FGFR1: variants seen among roughly 807,000 people sequenced by gnomAD.
FGFR1 encodes FGFR1/PLAG1 fusion.
In FGFR1, 18 loss-of-function variants were observed where a neutral mutation model predicts 93.7. That is an observed-to-expected ratio of 0.19 (90% CI 0.13 to 0.28). FGFR1 has a LOEUF of 0.28. Ranked by LOEUF, FGFR1 falls within the 10% of genes least tolerant of loss-of-function variation. The pLI is 1.00. For missense variants in FGFR1, 731 were observed against 1,080.4 expected (o/e 0.68, Z 4.53); for synonymous variants, 448 against 429.3 (o/e 1.04, Z -0.54).
chr8:38,442,698 C>A (rs187705965), intron 2 of FGFR1, among the ~76,000 whole-genome samples: 19 of 152,296 alleles, frequency 1.2e-4, no homozygotes, highest in African/African-American at 4.6e-4. Flanking sequence ...CTCCCCTCCC[C>A]CAAACTCAGC....
chr8:38,426,748 G>T lies in FGFR1; in HGVS notation c.622-503C>A, dbSNP rs577797590. Among the ~76,000 whole-genome samples the T allele has an allele frequency of 5.8e-4, 89 of 152,302 alleles. No homozygotes were observed. Among genetic ancestry groups the T allele is most frequent in the Non-Finnish European group, 1.2e-3 (84 of 68,028 alleles). On this transcript the variant is annotated intron_variant, in intron 5 of 17. Coordinates refer to ENST00000447712, the MANE Select transcript of FGFR1 (RefSeq NM_023110.3). This position sits in a 1 kb window ranked among gnomAD's most constrained non-coding sequence, Gnocchi z 4.1. ...TCCTATCAGACTGCAAAATTTTTAT[G>T]GGCAGGAACGCTATCTTGCAGCATT...
Position 38,412,026 on chromosome 8 carries a change from G to A in FGFR1, c.*1602C>T. ...AAACCATGCCCACATAGAGGGGGCAGACACATGTCTGGGTTTCAGTTTCTG... is the reference window on the plus strand; with the variant it reads ...AAACCATGCCCACATAGAGGGGGCAAACACATGTCTGGGTTTCAGTTTCTG... On this transcript the variant is annotated 3_prime_UTR_variant, in exon 18 of 18. Coordinates refer to ENST00000447712, the MANE Select transcript of FGFR1 (RefSeq NM_023110.3). The A allele has an allele frequency of 4.4e-6, 1 of 227,848 alleles. No homozygotes were observed. The highest frequency in any genetic ancestry group is 8.7e-6 in the Non-Finnish European group (1 of 114,666). 14.1% of individuals were successfully genotyped at this position (227,848 alleles called of 1,614,324 possible).
chr8:38,413,212 G>A lies in FGFR1; in HGVS notation c.*416C>T. 1 of 293,320 alleles carries A rather than the reference G, an allele frequency of 3.4e-6. No homozygotes were observed. Among genetic ancestry groups the A allele is most frequent in the Non-Finnish European group, 6.5e-6 (1 of 155,002 alleles). 18.2% of individuals were successfully genotyped at this position (293,320 alleles called of 1,614,324 possible). ...ACCTCCCTACTGCTGTAGCCCTGAGGACAAGGCACCTGCCACCAGAGTGCG... is the reference window on the plus strand; with the variant it reads ...ACCTCCCTACTGCTGTAGCCCTGAGAACAAGGCACCTGCCACCAGAGTGCG... On this transcript the variant is annotated 3_prime_UTR_variant, in exon 18 of 18. Coordinates refer to ENST00000447712, the MANE Select transcript of FGFR1 (RefSeq NM_023110.3). This position sits in a 1 kb window ranked among gnomAD's most constrained non-coding sequence, Gnocchi z 4.2.
intron 12 of FGFR1, among the ~76,000 whole-genome samples, chr8:38,417,102 C>T (rs530131570): frequency 1.3e-5 from 2 of 152,336 alleles, no homozygotes; most frequent in South Asian, 2.1e-4. Flanking sequence ...TAACACACCA[C>T]GTGTGTGAAT....
In FGFR1 at chr8:38,468,408, T is replaced by C. The variant is rs903649101; in HGVS notation, c.-516A>G. 8.8e-6 allele frequency: 2 copies of C among 228,112 alleles called. No homozygotes were observed. Among genetic ancestry groups the C allele is most frequent in the African/African-American group, 4.4e-5 (2 of 44,972 alleles). The allele number at this position is 228,112 out of a possible 1,614,324, so 14.1% of individuals were successfully genotyped here. On this transcript the variant is annotated 5_prime_UTR_variant, in exon 1 of 18. Transcript: ENST00000447712. ...CGAGCTCGGACCGGAGAAAAGTCCT[T>C]GGGTTCCGCGGCTTTTCAAGCAGCG...
At position 38,414,145 on chromosome 8, in the gene FGFR1, G is replaced by A. The variant is rs1278311369; in HGVS notation, c.2186+7C>T. 1.9e-6 allele frequency: 3 copies of A among 1,614,152 alleles called. No individual in the cohort carries two copies. In the South Asian group the frequency reaches 3.3e-5, roughly 18 times the overall value. ...GCTCAGGGCCTCCGACATCTCCTCG[G>A]GCTTACAGCTCGTTGGTGCAGTTAC... On this transcript the variant is annotated splice_region_variant and intron_variant, in intron 16 of 17. Transcript: ENST00000447712.
At chr8:38,436,282 G>T (rs543963182) in intron 2 of FGFR1, among the ~76,000 whole-genome samples, 2 of 152,254 alleles carry the variant, frequency 1.3e-5, no homozygotes, top group African/African-American at 4.8e-5. Flanking sequence ...AGGCAGAGGA[G>T]GGAGGATCCC....
chr8:38,453,359 C>T (rs1831719257), intron 2 of FGFR1, among the ~76,000 whole-genome samples: 1 of 152,230 alleles, frequency 6.6e-6, no homozygotes. Flanking sequence ...GGCCTACGGA[C>T]CAGGCAATGT....
chr8:38,461,625 T>G (rs1421031022), intron 1 of FGFR1, among the ~76,000 whole-genome samples: 1 of 152,188 alleles, frequency 6.6e-6, no homozygotes, highest in Non-Finnish European at 1.5e-5. Flanking sequence ...TTTTTATTCT[T>G]GTCCGCTGGA....
intron 7 of FGFR1, chr8:38,423,998 T>C (rs1819781668): frequency 4.5e-6 from 1 of 221,300 alleles, no homozygotes; most frequent in African/African-American, 2.3e-5. Context: ...TGTCTGGGAG[T>C]GAGAGGAAAA....
chr8:38,432,270 A>G (rs1253304040), intron 2 of FGFR1, among the ~76,000 whole-genome samples: 2 of 152,128 alleles, frequency 1.3e-5, no homozygotes, highest in Admixed American at 6.6e-5. Context: ...CGTGCAAACA[A>G]AACTCCACTA....
chr8:38,462,280 C>G (rs1255301051), intron 1 of FGFR1, among the ~76,000 whole-genome samples: 1 of 151,952 alleles, frequency 6.6e-6, no homozygotes, highest in Non-Finnish European at 1.5e-5. Context: ...CTGAGGTGGG[C>G]AAATCACGAG....
At chr8:38,422,071 C>T (rs899685363) in intron 7 of FGFR1, 130 bp from the exon 8 acceptor site, 1 of 1,154,606 alleles carries the variant, frequency 8.7e-7, no homozygotes, top group Non-Finnish European at 1.3e-6. Flanking sequence ...TTCTTTGCAA[C>T]AAGGAACAAA....
intron 1 of FGFR1, among the ~76,000 whole-genome samples, chr8:38,461,599 A>G (rs1031820268): frequency 3.9e-5 from 6 of 152,170 alleles, no homozygotes; most frequent in Non-Finnish European, 5.9e-5. Context: ...ATGAGCCACC[A>G]CACCCAGCCT....
intron 2 of FGFR1, among the ~76,000 whole-genome samples, chr8:38,447,103 AC>A (rs1829558755): frequency 1.7e-4 from 2 of 11,902 alleles, no homozygotes; most frequent in African/African-American, 8.7e-4. Context: ...AAGCAAACAC[AC>A]ACACACACAC....
chr8:38,441,527 TTAC>T (rs1170163737), intron 2 of FGFR1, among the ~76,000 whole-genome samples: 2 of 152,208 alleles, frequency 1.3e-5, no homozygotes, highest in Non-Finnish European at 2.9e-5. Flanking sequence ...CAGAAAACTC[TTAC>T]TACACTCTTT....
chr8:38,467,320 A>T, intron 1 of FGFR1, among the ~76,000 whole-genome samples: 1 of 149,468 alleles, frequency 6.7e-6, no homozygotes, highest in South Asian at 2.3e-4. Context: ...AGATTCAGCC[A>T]TTTGGTGACG....
In FGFR1 at chr8:38,415,885, A is replaced by G; in HGVS notation, c.1839T>C (p.Tyr613=). Residue 613 remains tyrosine, a synonymous_variant, in exon 13 of 18, where the codon TAT becomes TAC. Transcript: ENST00000447712. Reference sequence around the variant, plus strand: ...GGTTCCACACCTTCTTGGAGGCCAGATACTCCATGCCTCGGGCCACCTGGT... The same window carrying G: ...GGTTCCACACCTTCTTGGAGGCCAGGTACTCCATGCCTCGGGCCACCTGGT... ...CAYQVARGME[Y]LASKKCIHRD... is the part of the protein sequence containing the mutation. 2 of 1,613,738 alleles carry G rather than the reference A, an allele frequency of 1.2e-6. No homozygotes were observed. Among genetic ancestry groups the G allele is most frequent in the Non-Finnish European group, 1.7e-6 (2 of 1,180,000 alleles).
In FGFR1 at chr8:38,429,948, G is replaced by A. The variant is rs2150967605; in HGVS notation, c.92C>T (p.Ala31Val). 6.2e-7 allele frequency: 1 copy of A among 1,603,530 alleles called. No homozygotes were observed. Among genetic ancestry groups the A allele is most frequent in the South Asian group, 1.1e-5 (1 of 90,232 alleles). ...TTCCACAGGGGCTCCCCAGGGCTGG[G>A]CTGCAGCCACCACGGGGCCGGGAAG... Reference protein sequence around the residue: ...ARPSPTLPEQAQPWGAPVEVE... With the variant: ...ARPSPTLPEQVQPWGAPVEVE... Residue 31 changes from alanine to valine, a missense_variant and splice_region_variant, in exon 3 of 18, where the codon GCC (alanine) becomes GTC (valine). Ala to Val is a moderately conservative substitution (Grantham distance 64). Transcript: ENST00000447712. The surrounding 1 kb of genome is among the most constrained non-coding windows in gnomAD (Gnocchi z 4.4).
Sources: gnomAD v4.1 joint callset for allele counts (sites outside exome capture counted in the v4.1 genomes callset) on GRCh38, gnomAD v4.1.1 for gene constraint, Gnocchi (gnomAD v3.1) non-coding constraint, MANE v1.5 for transcripts, NCBI Gene and HGNC (gene_info 2026-07-23, HGNC 2026-07-21) for gene names.